TRAPPC9: variants seen among roughly 807,000 people sequenced by gnomAD.
The protein encoded by TRAPPC9 is IKK2 binding protein.
TRAPPC9 carries 83 observed loss-of-function variants against 124.0 expected under a neutral mutation model. The ratio of observed to expected loss-of-function variants is 0.67; its 90% CI spans 0.56 to 0.80. TRAPPC9 has a LOEUF of 0.80. TRAPPC9 is among the 30% of genes least tolerant of loss of function. The pLI is 0.00. For missense variants in TRAPPC9, 1,302 were observed against 1,508.3 expected, an observed-to-expected ratio of 0.86 and a Z score of 2.27; for synonymous variants, 638 against 617.5, an observed-to-expected ratio of 1.03 and a Z score of -0.49.
intron 21 of TRAPPC9, among the ~76,000 whole-genome samples, chr8:139,798,307 T>G (rs1823244229): frequency 6.6e-6 from 1 of 152,260 alleles, no homozygotes; most frequent in Admixed American, 6.5e-5. Context: ...GTTTGGATTG[T>G]TCACTGCTGG....
intron 21 of TRAPPC9, among the ~76,000 whole-genome samples, chr8:139,855,116 A>G (rs374365972): frequency 6.6e-4 from 101 of 152,332 alleles, no homozygotes; most frequent in African/African-American, 2.3e-3. Flanking sequence ...CTGGAAGCCA[A>G]TCGGGCCTAC....
intron 17 of TRAPPC9, among the ~76,000 whole-genome samples, chr8:140,072,132 T>C (rs1005610323): frequency 7.2e-5 from 11 of 152,266 alleles, no homozygotes; most frequent in Non-Finnish European, 1.6e-4. Context: ...ATCTTTATTT[T>C]GTTGGTGTGG....
chr8:140,283,943 G>A lies in TRAPPC9; in HGVS notation c.2060C>T (p.Thr687Ile). 1.2e-6 allele frequency: 2 copies of A among 1,614,164 alleles called. No individual in the cohort carries two copies. Among genetic ancestry groups the A allele is most frequent in the Non-Finnish European group, 1.7e-6 (2 of 1,180,048 alleles). The change falls in exon 14 of 23, where the codon ACA becomes ATA. Residue 687 changes from threonine to isoleucine, a missense_variant. Thr to Ile is a moderately conservative substitution (Grantham distance 89). Coordinates refer to ENST00000438773, the MANE Select transcript of TRAPPC9 (RefSeq NM_001160372.4). ...NLPGIKTSGS[T>I]VEVIPALPRL... ...TGGCAACGCGGGAATGACTTCCACT[G>A]TGGAGCCACTGGTTTTTATTCCCGG...
chr8:140,410,213 G>C (rs535276100), intron 5 of TRAPPC9, among the ~76,000 whole-genome samples: 44 of 147,028 alleles, frequency 3.0e-4, no homozygotes, highest in Non-Finnish European at 2.8e-4. Context: ...TTTTTATATA[G>C]TTTTGATTTT....
intron 8 of TRAPPC9, among the ~76,000 whole-genome samples, chr8:140,367,764 A>G (rs1306165151): frequency 6.6e-6 from 1 of 152,190 alleles, no homozygotes; most frequent in Non-Finnish European, 1.5e-5. Flanking sequence ...AGGTTCATCA[A>G]TTGCAACAAA....
chr8:139,825,706 C>T lies in TRAPPC9; in HGVS notation c.3055+60173G>A, dbSNP rs191835439. Among the ~76,000 whole-genome samples the T allele has an allele frequency of 2.0e-5, 3 of 152,134 alleles. No individual in the cohort carries two copies. Among genetic ancestry groups the T allele is most frequent in the East Asian group, 3.9e-4 (2 of 5,166 alleles). Reference sequence around the variant, plus strand: ...CTGCAGGACACAGCCAGTGATCAGACGCCCCGTGGAGGATACCGCCGAGCA... The same window carrying T: ...CTGCAGGACACAGCCAGTGATCAGATGCCCCGTGGAGGATACCGCCGAGCA... On this transcript the variant is annotated intron_variant, in intron 21 of 22. Transcript: ENST00000438773. This position sits in a 1 kb window ranked among gnomAD's most constrained non-coding sequence, Gnocchi z 4.6.
At chr8:139,789,272 T>C (rs1370160328) in intron 21 of TRAPPC9, among the ~76,000 whole-genome samples, 1 of 152,154 alleles carries the variant, frequency 6.6e-6, no homozygotes, top group Non-Finnish European at 1.5e-5. Flanking sequence ...GGTGCTGCCT[T>C]GAGGGGAGCT....
chr8:140,431,104 A>G (rs1462106813), intron 4 of TRAPPC9, among the ~76,000 whole-genome samples: 3 of 152,212 alleles, frequency 2.0e-5, no homozygotes, highest in African/African-American at 7.2e-5. Context: ...GGGTAGGTCA[A>G]GATGGCTACA....
At position 140,175,815 on chromosome 8, in the gene TRAPPC9, AC is replaced by A. The variant is rs1388597555; in HGVS notation, c.2556+45643del. ...TGAGGATTCTTTATTTGTGTAGCAA[AC>A]ATTTACTAAGGATCAGAAATAATAA... On this transcript the variant is annotated intron_variant, in intron 17 of 22. Coordinates refer to ENST00000438773, the MANE Select transcript of TRAPPC9 (RefSeq NM_001160372.4). Among the ~76,000 whole-genome samples, 4 of 152,242 alleles carry A rather than the reference AC, an allele frequency of 2.6e-5. No homozygotes were observed. In the East Asian group the frequency reaches 7.7e-4, roughly 29 times the overall value.
intron 9 of TRAPPC9, among the ~76,000 whole-genome samples, chr8:140,348,099 G>A (rs1343042703): frequency 2.0e-5 from 3 of 152,242 alleles, no homozygotes; most frequent in Non-Finnish European, 4.4e-5. Context: ...AGGTGCCATG[G>A]CAAGTGTTTC....
chr8:139,732,038 T>G lies in TRAPPC9; in HGVS notation c.3220A>C (p.Asn1074His), dbSNP rs762135474. Residue 1074 changes from asparagine (N) to histidine (H), a missense_variant, in exon 22 of 23, where the codon AAC (asparagine) becomes CAC (histidine). Around this residue, in one of 3 missense-constraint regions of TRAPPC9, gnomAD observed 640 missense variants for 679.3 expected, o/e 0.94. Transcript: ENST00000438773. ...GAGACGGTGTCGTGCAGGTCGTAGT[T>G]GTGCACGCCGTTCTGGTGGTCCTGG... is the stretch of plus-strand genomic sequence containing the variant. The part of the protein sequence containing the change: ...PFQDHQNGVH[N>H]YDLHDTVSFV... 1 of 1,604,706 alleles carries G rather than the reference T, an allele frequency of 6.2e-7. No homozygotes were observed. The highest frequency in any genetic ancestry group is 1.7e-5 in the Admixed American group (1 of 58,896).
intron 17 of TRAPPC9, among the ~76,000 whole-genome samples, chr8:140,047,051 T>C (rs898538724): frequency 1.3e-5 from 2 of 152,232 alleles, no homozygotes; most frequent in Non-Finnish European, 2.9e-5. Context: ...CAGCTGTCTG[T>C]GAGGTGTCCT....
rs191740691 is a variant in TRAPPC9 at position 139,947,482 on chromosome 8, T to G, written c.2811-37182A>C. On this transcript the variant is annotated intron_variant, in intron 19 of 22. Coordinates refer to ENST00000438773, the MANE Select transcript of TRAPPC9 (RefSeq NM_001160372.4). ...TATATATGCCAATATCTCCCTTGCT[T>G]TAATTTAAATAAGGCTTTGTTTTGT... Among the ~76,000 whole-genome samples, 54 of 152,298 alleles carry G rather than the reference T, an allele frequency of 3.5e-4. 2 individuals are homozygous for G. In the East Asian group the frequency reaches 9.4e-3, roughly 27 times the overall value.
intron 17 of TRAPPC9, among the ~76,000 whole-genome samples, chr8:140,068,918 C>G (rs1281367013): frequency 1.3e-5 from 2 of 152,132 alleles, no homozygotes; most frequent in Non-Finnish European, 2.9e-5. Flanking sequence ...TTGAATTTCC[C>G]TTGCATCCAC....
intron 21 of TRAPPC9, among the ~76,000 whole-genome samples, chr8:139,819,360 A>T (rs1405064831): frequency 6.6e-6 from 1 of 152,182 alleles, no homozygotes; most frequent in African/African-American, 2.4e-5. Context: ...ATAATAGTAG[A>T]AATAAAGTGC....
chr8:140,458,270 C>T (rs2071775250), upstream of TRAPPC9: 8 of 1,552,536 alleles, frequency 5.2e-6, no homozygotes, highest in Non-Finnish European at 6.1e-6. Flanking sequence ...AGTTCTGTCC[C>T]CGCCGCTTAC....
Position 140,404,742 on chromosome 8 carries a change from G to A in TRAPPC9, c.1008+835C>T, listed in dbSNP as rs116646996. The stretch of plus-strand genomic sequence containing the variant: ...TGTGTGTACATGCATGTGTGCACGC[G>A]TGAGCATGTGTGTACGTGCATGTGT... On this transcript the variant is annotated intron_variant, in intron 6 of 22. Coordinates refer to ENST00000438773, the MANE Select transcript of TRAPPC9 (RefSeq NM_001160372.4). 4.4e-3 allele frequency among the ~76,000 whole-genome samples: 673 copies of A among 152,142 alleles called. 8 individuals are homozygous for A. The highest frequency in any genetic ancestry group is 0.015 in the African/African-American group (631 of 41,548).
rs139736764 is a variant in TRAPPC9, at chr8:139,776,851, G to A, written c.3056-44649C>T. ...AAAAGCCAAAGTCCATTGCGCCTGT[G>A]ACTTACTATAAAATGACAACATGGT... On this transcript the variant is annotated intron_variant, in intron 21 of 22. Transcript: ENST00000438773. This position sits in a 1 kb window ranked among gnomAD's most constrained non-coding sequence, Gnocchi z 4.1. Among the ~76,000 whole-genome samples the A allele has an allele frequency of 2.2e-3, 334 of 152,304 alleles. 2 individuals are homozygous for A. Among genetic ancestry groups the A allele is most frequent in the African/African-American group, 7.0e-3 (289 of 41,560 alleles).
At chr8:140,355,048 T>C (rs1439401722) in intron 9 of TRAPPC9, among the ~76,000 whole-genome samples, 1 of 152,240 alleles carries the variant, frequency 6.6e-6, no homozygotes, top group East Asian at 1.9e-4. Flanking sequence ...CTAAGTGTCT[T>C]TAAATCACTA....
Sources: gnomAD v4.1 joint callset for allele counts (sites outside exome capture counted in the v4.1 genomes callset) on GRCh38, gnomAD v4.1.1 for gene constraint, gnomAD v4.1.1 regional missense constraint, Gnocchi (gnomAD v3.1) non-coding constraint, MANE v1.5 for transcripts, NCBI Gene and HGNC (gene_info 2026-07-23, HGNC 2026-07-21) for gene names.